Variants in ZFHX3 observed in about 807,000 individuals in gnomAD.
ZFHX3 encodes zinc finger homeobox 3.
ZFHX3 carries 42 observed loss-of-function variants against 279.1 expected under a neutral mutation model. The ratio of observed to expected loss-of-function variants is 0.15; its 90% CI spans 0.12 to 0.19. The LOEUF is 0.19. Ranked by LOEUF, ZFHX3 falls within the 10% of genes least tolerant of loss-of-function variation. The probability of loss-of-function intolerance (pLI) is 1.00; values close to 1 mark genes in which losing one functional copy is unlikely to be tolerated. For synonymous variants in ZFHX3, 2,293 were observed against 1,957.8 expected, an observed-to-expected ratio of 1.17 and a Z score of -4.52; for missense variants, 4,981 against 4,754.0, an observed-to-expected ratio of 1.05 and a Z score of -1.40.
intron 5 of ZFHX3, among the ~76,000 whole-genome samples, chr16:73,155,192 AAAC>A: frequency 6.6e-6 from 1 of 151,852 alleles, no homozygotes; most frequent in East Asian, 1.9e-4. Flanking sequence ...AAAAAAAAAA[AAAC>A]AAAAAAAAGG....
At chr16:73,278,006 C>G (rs939565251) in intron 4 of ZFHX3, among the ~76,000 whole-genome samples, 1 of 152,094 alleles carries the variant, frequency 6.6e-6, no homozygotes, top group Non-Finnish European at 1.5e-5. Context: ...CCCTCATGAT[C>G]CAGTCACCTC....
intron 3 of ZFHX3, among the ~76,000 whole-genome samples, chr16:73,321,551 C>T (rs982215150): frequency 6.6e-6 from 1 of 152,188 alleles, no homozygotes; most frequent in African/African-American, 2.4e-5. Flanking sequence ...CAGACAAAAA[C>T]GTGACTTTCA....
chr16:73,058,162 G>A (rs941832515), intron 1 of ZFHX3, among the ~76,000 whole-genome samples: 1 of 145,238 alleles, frequency 6.9e-6, no homozygotes. Context: ...CCTCGCCCCG[G>A]GCGCCTCCAC....
chr16:73,523,565 A>G (rs1380269664), intron 2 of ZFHX3, among the ~76,000 whole-genome samples: 1 of 151,050 alleles, frequency 6.6e-6, no homozygotes, highest in Non-Finnish European at 1.5e-5. Flanking sequence ...GATCCTTGGC[A>G]TATTTCACTG....
At chr16:73,572,014 T>C (rs2051743006) in intron 2 of ZFHX3, among the ~76,000 whole-genome samples, 1 of 152,140 alleles carries the variant, frequency 6.6e-6, no homozygotes, top group East Asian at 1.9e-4. Flanking sequence ...GAAGTCAAAA[T>C]GCTTTCTGAT....
At chr16:72,858,051 G>A (rs1204476717) in intron 4 of ZFHX3, among the ~76,000 whole-genome samples, 1 of 152,236 alleles carries the variant, frequency 6.6e-6, no homozygotes, top group Non-Finnish European at 1.5e-5. Context: ...TAAATTCAGT[G>A]TTCTCTTCCC....
chr16:73,729,416 C>T (rs188871716), intron 1 of ZFHX3, among the ~76,000 whole-genome samples: 1 of 152,278 alleles, frequency 6.6e-6, no homozygotes, highest in African/African-American at 2.4e-5. Flanking sequence ...GTAATCTCAG[C>T]TACTTGGGAG....
chr16:73,499,199 C>T (rs2019192408), intron 2 of ZFHX3: 1 of 152,174 alleles, frequency 6.6e-6, no homozygotes, highest in Non-Finnish European at 1.5e-5. Context: ...CCTTTGCCTC[C>T]TCTGTTGGGT....
Position 72,794,441 on chromosome 16 carries a change from C to G in ZFHX3, c.8241G>C (p.Leu2747=). 1.2e-6 allele frequency: 2 copies of G among 1,613,788 alleles called. No homozygotes were observed. The highest frequency in any genetic ancestry group is 1.7e-6 in the Non-Finnish European group (2 of 1,179,880). The change falls in exon 9 of 10, where the codon CTG becomes CTC. Residue 2747 remains leucine, a synonymous_variant. Transcript: ENST00000268489. The surrounding 1 kb of genome is among the most constrained non-coding windows in gnomAD (Gnocchi z 4.2). ...EAKRAGYNLT[L]SAMLLDCDGG... ...CATCACAGTCTAAGAGCATCGCAGA[C>G]AGAGTTAGGTTGTAGCCAGCTCTCT...
intron 3 of ZFHX3, among the ~76,000 whole-genome samples, chr16:73,399,743 T>C (rs1461405703): frequency 6.6e-6 from 1 of 152,002 alleles, no homozygotes; most frequent in East Asian, 1.9e-4. Flanking sequence ...ATCACCCTAA[T>C]TATGATTTTC....
intron 2 of ZFHX3, among the ~76,000 whole-genome samples, chr16:73,532,218 G>C (rs2143729950): frequency 6.6e-6 from 1 of 152,282 alleles, no homozygotes; most frequent in African/African-American, 2.4e-5. Flanking sequence ...ACCCCAGGGG[G>C]AGATAATTGA....
At chr16:73,534,728 G>A (rs1292530042) in intron 2 of ZFHX3, among the ~76,000 whole-genome samples, 4 of 152,166 alleles carry the variant, frequency 2.6e-5, no homozygotes, top group African/African-American at 7.2e-5. Context: ...CATCACTACC[G>A]CCATCATCGT....
chr16:73,323,640 G>C (rs964880215), intron 3 of ZFHX3, among the ~76,000 whole-genome samples: 4 of 152,234 alleles, frequency 2.6e-5, no homozygotes, highest in African/African-American at 9.6e-5. Flanking sequence ...CGGGTTAAAA[G>C]AGACTGTACA....
chr16:72,804,701 C>CT (rs1850178776), intron 7 of ZFHX3, among the ~76,000 whole-genome samples: 1 of 152,144 alleles, frequency 6.6e-6, no homozygotes, highest in South Asian at 2.1e-4. Flanking sequence ...GTCTCCCACT[C>CT]TGACATTTGG....
chr16:73,308,242 T>C (rs2015230650), intron 4 of ZFHX3, among the ~76,000 whole-genome samples: 1 of 15,076 alleles, frequency 6.6e-5, no homozygotes, highest in African/African-American at 1.8e-4. Flanking sequence ...TATATATATA[T>C]ATATATATAT....
At chr16:73,068,225 C>T (rs572538759) in intron 8 of ZFHX3, among the ~76,000 whole-genome samples, 8 of 152,288 alleles carry the variant, frequency 5.3e-5, no homozygotes, top group Admixed American at 2.0e-4. Context: ...GAATTTGAAC[C>T]TGGGCCTGTC....
At chr16:73,069,343 G>A (rs1567656651) in intron 8 of ZFHX3, among the ~76,000 whole-genome samples, 1 of 152,178 alleles carries the variant, frequency 6.6e-6, no homozygotes, top group Non-Finnish European at 1.5e-5. Flanking sequence ...TAAGCGGGTG[G>A]CAGGGGGGAA....
At chr16:73,168,239 C>CTTTCTTTCTTTCT (rs2144863493) in intron 5 of ZFHX3, among the ~76,000 whole-genome samples, 1 of 144,104 alleles carries the variant, frequency 6.9e-6, no homozygotes, top group East Asian at 2.1e-4. Flanking sequence ...TTCTTTCTTT[C>CTTTCTTTCTTTCT]TTTCTTTCTT....
chr16:73,548,186 TCAGTTTTCATGGCTAAAGTGCA>T (rs2020151239), intron 2 of ZFHX3, among the ~76,000 whole-genome samples: 1 of 152,180 alleles, frequency 6.6e-6, no homozygotes. Context: ...AGATCCTAAA[TCAGTTTTCATGGCTAAAGTGCA>T]CACGGAATCC....
Sources: allele counts gnomAD v4.1 joint callset (sites outside exome capture counted in the v4.1 genomes callset), GRCh38; gene constraint gnomAD v4.1.1; non-coding constraint Gnocchi (gnomAD v3.1); transcripts MANE v1.5; gene names NCBI Gene and HGNC (gene_info 2026-07-23, HGNC 2026-07-21).